GRIK2: variants seen among roughly 807,000 people sequenced by gnomAD.
GRIK2 encodes glutamate receptor ionotropic, kainate 2.
GRIK2 carries 32 observed loss-of-function variants against 100.3 expected under a neutral mutation model. The ratio of observed to expected loss-of-function variants is 0.32; its 90% CI spans 0.24 to 0.43. GRIK2 has a LOEUF of 0.43. GRIK2 is among the 20% of genes least tolerant of loss of function. GRIK2 has a pLI of 1.00. For missense variants in GRIK2, 843 were observed against 1,114.9 expected (o/e 0.76, Z 3.47); for synonymous variants, 417 against 389.4 (o/e 1.07, Z -0.83).
intron 2 of GRIK2, among the ~76,000 whole-genome samples, chr6:101,468,140 C>T (rs1026371929): frequency 6.6e-6 from 1 of 152,046 alleles, no homozygotes; most frequent in Non-Finnish European, 1.5e-5. Flanking sequence ...CAAGGGACTG[C>T]CCAGTGGGAA....
Position 101,934,649 on chromosome 6 carries a change from C to G in GRIK2, c.2085+6017C>G, listed in dbSNP as rs372996830. ...TCCTTATTAGATCTAAAAACATATA[C>G]TATTCATTAGAGATTGCTCCTAATT... On this transcript the variant is annotated intron_variant, in intron 14 of 16. Transcript: ENST00000369134. 6.3e-4 allele frequency among the ~76,000 whole-genome samples: 95 copies of G among 151,918 alleles called. 3 individuals carry two copies. Among genetic ancestry groups the G allele is most frequent in the African/African-American group, 2.2e-3 (91 of 41,486 alleles).
chr6:101,663,249 A>G (rs990811882), intron 4 of GRIK2, among the ~76,000 whole-genome samples: 1 of 152,288 alleles, frequency 6.6e-6, no homozygotes, highest in Admixed American at 6.5e-5. Flanking sequence ...TTTGCCGTTC[A>G]TAACTGCATT....
At chr6:101,959,467 T>C (rs932301285) in intron 14 of GRIK2, among the ~76,000 whole-genome samples, 1 of 152,164 alleles carries the variant, frequency 6.6e-6, no homozygotes, top group Non-Finnish European at 1.5e-5. Flanking sequence ...TTAAGACTTC[T>C]CTCCATTTTT....
intron 7 of GRIK2, among the ~76,000 whole-genome samples, chr6:101,764,539 G>A (rs1018193162): frequency 2.0e-5 from 3 of 152,010 alleles, no homozygotes; most frequent in Non-Finnish European, 4.4e-5. Flanking sequence ...ATTTCTAATA[G>A]CATTTATCTG....
At chr6:101,843,433 T>A (rs73514630) in intron 10 of GRIK2, among the ~76,000 whole-genome samples, 1,754 of 152,296 alleles carry the variant, frequency 0.012, 30 homozygotes, top group African/African-American at 0.04. Context: ...TTCAAAGTAT[T>A]TCCATCTACG....
chr6:101,720,587 A>G (rs950097157), intron 7 of GRIK2, among the ~76,000 whole-genome samples: 2 of 152,056 alleles, frequency 1.3e-5, no homozygotes, highest in East Asian at 1.9e-4. Context: ...ATTTACTAAC[A>G]TCATTTTCTG....
At chr6:101,419,129 G>GT (rs1288683508) in intron 2 of GRIK2, among the ~76,000 whole-genome samples, 1 of 152,070 alleles carries the variant, frequency 6.6e-6, no homozygotes, top group Admixed American at 6.6e-5. Context: ...ATGACTTTTT[G>GT]TTTTTCTTTT....
At chr6:101,629,382 A>G (rs997203780) in intron 4 of GRIK2, among the ~76,000 whole-genome samples, 5 of 152,136 alleles carry the variant, frequency 3.3e-5, no homozygotes, top group African/African-American at 1.2e-4. Flanking sequence ...AATTCAATGA[A>G]TTTTGATTAT....
At chr6:101,484,558 C>CACAA (rs1772712599) in intron 2 of GRIK2, among the ~76,000 whole-genome samples, 1 of 151,752 alleles carries the variant, frequency 6.6e-6, no homozygotes, top group East Asian at 1.9e-4. Flanking sequence ...CACACACACA[C>CACAA]ACACACACAC....
chr6:101,733,708 CTTTTTTTTTTTTTTTT>C (rs34438783), intron 7 of GRIK2, among the ~76,000 whole-genome samples: 2 of 83,938 alleles, frequency 2.4e-5, no homozygotes, highest in African/African-American at 8.3e-5. Flanking sequence ...ATTCCTCTTT[CTTTTTTTTTTTTTTTT>C]TTTTTTTTGT....
At chr6:102,066,549 C>G (rs1243838120) in intron 16 of GRIK2, among the ~76,000 whole-genome samples, 1 of 151,480 alleles carries the variant, frequency 6.6e-6, no homozygotes, top group Non-Finnish European at 1.5e-5. Context: ...GAGCCATGTC[C>G]TGAGGTAGGG....
intron 7 of GRIK2, among the ~76,000 whole-genome samples, chr6:101,687,125 T>C (rs1771755630): frequency 6.6e-6 from 1 of 152,084 alleles, no homozygotes; most frequent in Non-Finnish European, 1.5e-5. Context: ...ATATTTTTTA[T>C]ACTAAATCCT....
At chr6:101,690,923 GCAC>G (rs1437704462) in intron 7 of GRIK2, among the ~76,000 whole-genome samples, 1 of 152,028 alleles carries the variant, frequency 6.6e-6, no homozygotes, top group African/African-American at 2.4e-5. Flanking sequence ...CTTTATTTAT[GCAC>G]TTTATGTATA....
chr6:101,592,588 C>CTTATATATATATATATAT (rs1778708879), intron 2 of GRIK2, among the ~76,000 whole-genome samples: 1 of 101,940 alleles, frequency 9.8e-6, no homozygotes. Flanking sequence ...ACTAATATCA[C>CTTATATATATATATATAT]ATATATATAT....
intron 2 of GRIK2, among the ~76,000 whole-genome samples, chr6:101,611,576 T>C (rs1002268288): frequency 4.6e-5 from 7 of 151,870 alleles, no homozygotes; most frequent in Non-Finnish European, 2.9e-5. Flanking sequence ...AAGAAGGTTA[T>C]TGTCATTAGA....
At chr6:101,901,448 CT>C in intron 12 of GRIK2, among the ~76,000 whole-genome samples, 1 of 151,718 alleles carries the variant, frequency 6.6e-6, no homozygotes, top group South Asian at 2.1e-4. Context: ...TATGACTTTT[CT>C]TCAGAAATCT....
intron 11 of GRIK2, among the ~76,000 whole-genome samples, chr6:101,875,669 T>C (rs978258096): frequency 6.6e-6 from 1 of 151,922 alleles, no homozygotes; most frequent in African/African-American, 2.4e-5. Context: ...ACTCATTGTT[T>C]TTTCCCCTCC....
chr6:101,442,432 TCA>T (rs1770121448), intron 2 of GRIK2, among the ~76,000 whole-genome samples: 5 of 65,588 alleles, frequency 7.6e-5, no homozygotes, highest in Non-Finnish European at 1.5e-4. Flanking sequence ...ATCCTGCCAG[TCA>T]GTGCGCCGGC....
chr6:101,796,930 A>C (rs1780344643), intron 7 of GRIK2, among the ~76,000 whole-genome samples: 1 of 152,130 alleles, frequency 6.6e-6, no homozygotes, highest in South Asian at 2.1e-4. Context: ...ATTAGCAACT[A>C]CTGTGTCCTG....
Sources: gnomAD v4.1 joint callset for allele counts (sites outside exome capture counted in the v4.1 genomes callset) on GRCh38, gnomAD v4.1.1 for gene constraint, MANE v1.5 for transcripts, NCBI Gene and HGNC (gene_info 2026-07-23, HGNC 2026-07-21) for gene names.